CHST8: variants seen among roughly 807,000 people sequenced by gnomAD.
CHST8 encodes carbohydrate sulfotransferase 8, also known as GALNAC-4-ST1.
In CHST8, 10 loss-of-function variants were observed where a neutral mutation model predicts 15.0. That is an observed-to-expected ratio of 0.67 (90% confidence interval 0.41 to 1.13). The LOEUF is 1.13. Among genes scored for constraint, CHST8 ranks in the 50% most tolerant of loss-of-function variants. The probability of loss-of-function intolerance (pLI) is 0.00; values close to 1 mark genes in which losing one functional copy is unlikely to be tolerated. For synonymous variants in CHST8, 259 were observed against 256.6 expected, an observed-to-expected ratio of 1.01 and a Z score of -0.09; for missense variants, 634 against 608.2, an observed-to-expected ratio of 1.04 and a Z score of -0.45.
At chr19:33,762,913 G>A (rs1033152214) in intron 3 of CHST8, among the ~76,000 whole-genome samples, 1 of 150,680 alleles carries the variant, frequency 6.6e-6, no homozygotes, top group African/African-American at 2.4e-5. Flanking sequence ...CCAGGCTGGA[G>A]TGCAGTGGCA....
intron 3 of CHST8, among the ~76,000 whole-genome samples, chr19:33,718,026 C>T (rs997263481): frequency 3.6e-4 from 55 of 152,208 alleles, no homozygotes; most frequent in African/African-American, 1.2e-3. Context: ...GTGTACAGGA[C>T]CGGAAGGCAG....
chr19:33,764,249 G>A (rs1190479282), intron 3 of CHST8, among the ~76,000 whole-genome samples: 1 of 152,092 alleles, frequency 6.6e-6, no homozygotes, highest in African/African-American at 2.4e-5. Flanking sequence ...CAAACACACC[G>A]AGAACCAACA....
At chr19:33,645,209 G>C (rs1038415280) in intron 1 of CHST8, among the ~76,000 whole-genome samples, 3 of 152,186 alleles carry the variant, frequency 2.0e-5, no homozygotes, top group African/African-American at 7.2e-5. Context: ...GGAGTTGGGG[G>C]ACAGGGCCCG....
At chr19:33,641,216 A>T (rs970964505) in intron 1 of CHST8, among the ~76,000 whole-genome samples, 1 of 152,062 alleles carries the variant, frequency 6.6e-6, no homozygotes, top group Non-Finnish European at 1.5e-5. Context: ...CATCCAGGCA[A>T]CTCAGCCCAA....
intron 2 of CHST8, among the ~76,000 whole-genome samples, chr19:33,687,767 C>T (rs1600263852): frequency 6.6e-6 from 1 of 152,202 alleles, no homozygotes; most frequent in Non-Finnish European, 1.5e-5. Context: ...AGGGAGAGTG[C>T]CTCTTCCCAT....
chr19:33,665,630 CA>C (rs1272070441), intron 1 of CHST8, among the ~76,000 whole-genome samples: 1 of 149,022 alleles, frequency 6.7e-6, no homozygotes, highest in African/African-American at 2.5e-5. Context: ...TGAGTATCTT[CA>C]AAACTGAAAA....
At chr19:33,740,407 C>T (rs147226892) in intron 3 of CHST8, among the ~76,000 whole-genome samples, 84 of 152,326 alleles carry the variant, frequency 5.5e-4, no homozygotes, top group Non-Finnish European at 9.8e-4. Flanking sequence ...CTTCAGGTTT[C>T]CCTGTGGCCG....
intron 3 of CHST8, among the ~76,000 whole-genome samples, chr19:33,770,233 G>A (rs935494251): frequency 2.0e-5 from 3 of 152,212 alleles, no homozygotes; most frequent in African/African-American, 4.8e-5. Flanking sequence ...AGACAGCCAG[G>A]AAAGTGGTGG....
In CHST8 at chr19:33,624,323, C is replaced by T. The variant is rs1283116780; in HGVS notation, c.-164+2027C>T. ...GCTCCAGTTGGGAGAGGAGAGCAGG[C>T]TCGTCTGACCTCCTGGGCTTGGTAG... On this transcript the variant is annotated intron_variant, in intron 1 of 4. Coordinates refer to ENST00000650847, the MANE Select transcript of CHST8 (RefSeq NM_001127895.2). Among the ~76,000 whole-genome samples, 12 of 152,302 alleles carry T rather than the reference C, an allele frequency of 7.9e-5. No individual in the cohort carries two copies. The East Asian group carries it at 2.1e-3, about 27-fold the overall frequency.
At position 33,683,630 on chromosome 19, in the gene CHST8, C is replaced by A. The variant is rs78780152; in HGVS notation, c.-86-5546C>A. Among the ~76,000 whole-genome samples the A allele has an allele frequency of 3.1e-3, 472 of 152,314 alleles. 2 individuals carry two copies. Among genetic ancestry groups the A allele is most frequent in the Middle Eastern group, 0.014 (4 of 294 alleles). ...AATTCCAGGTTCATGGAGTGCCTCT[C>A]TCCAGATGGCCCCAAACACTTCCAT... is the stretch of plus-strand genomic sequence containing the variant. On this transcript the variant is annotated intron_variant, in intron 2 of 4. Transcript: ENST00000650847.
intron 1 of CHST8, among the ~76,000 whole-genome samples, chr19:33,624,519 T>G (rs1480600628): frequency 6.6e-6 from 1 of 152,248 alleles, no homozygotes; most frequent in Non-Finnish European, 1.5e-5. Context: ...GGGAATTTCA[T>G]TTTTTAAACA....
At chr19:33,704,837 GA>G (rs1434018637) in intron 3 of CHST8, among the ~76,000 whole-genome samples, 4 of 151,668 alleles carry the variant, frequency 2.6e-5, no homozygotes, top group African/African-American at 7.3e-5. Context: ...TTGAACCCAG[GA>G]GGTGGAAGTT....
intron 3 of CHST8, among the ~76,000 whole-genome samples, chr19:33,726,756 A>G (rs1973910109): frequency 6.6e-6 from 1 of 152,094 alleles, no homozygotes; most frequent in Non-Finnish European, 1.5e-5. Context: ...TGACCGCCAT[A>G]AAGAAGGGGG....
chr19:33,697,631 C>T (rs902698181), intron 3 of CHST8, among the ~76,000 whole-genome samples: 9 of 152,198 alleles, frequency 5.9e-5, no homozygotes, highest in Admixed American at 1.3e-4. Context: ...CCCAAGGCCA[C>T]GCAGCTTCTG....
At position 33,697,037 on chromosome 19, in the gene CHST8, G is replaced by A. The variant is rs147244336; in HGVS notation, c.130+7646G>A. 6.4e-3 allele frequency among the ~76,000 whole-genome samples: 979 copies of A among 151,906 alleles called. 6 individuals carry two copies. The highest frequency in any genetic ancestry group is 9.2e-3 in the Non-Finnish European group (624 of 67,944). On this transcript the variant is annotated intron_variant, in intron 3 of 4. Coordinates refer to ENST00000650847, the MANE Select transcript of CHST8 (RefSeq NM_001127895.2). ...TTTTTGTATTTTTAGTAGAGATGGG[G>A]TTTCATTATTTTGGCCAGGCTGGTC...
intron 2 of CHST8, among the ~76,000 whole-genome samples, chr19:33,688,568 A>G (rs983105843): frequency 2.6e-5 from 4 of 152,154 alleles, no homozygotes; most frequent in East Asian, 1.9e-4. Flanking sequence ...AGGGACTGAC[A>G]TACGCCAACC....
chr19:33,677,339 T>G (rs1480628145), intron 2 of CHST8, among the ~76,000 whole-genome samples: 1 of 152,116 alleles, frequency 6.6e-6, no homozygotes, highest in Non-Finnish European at 1.5e-5. Context: ...CCTGTGTCCT[T>G]GAGGTTGAGC....
chr19:33,739,721 T>C (rs35720673), intron 3 of CHST8, among the ~76,000 whole-genome samples: 34 of 152,172 alleles, frequency 2.2e-4, no homozygotes, highest in Non-Finnish European at 4.7e-4. Flanking sequence ...TCTGTTTTTT[T>C]ACAAAAACAC....
intron 3 of CHST8, among the ~76,000 whole-genome samples, chr19:33,721,750 A>G (rs1019337940): frequency 6.6e-6 from 1 of 151,948 alleles, no homozygotes; most frequent in African/African-American, 2.4e-5. Flanking sequence ...GGACGGATAG[A>G]TGGATGGAAA....
Sources: gnomAD v4.1 joint callset for allele counts (sites outside exome capture counted in the v4.1 genomes callset) on GRCh38, gnomAD v4.1.1 for gene constraint, MANE v1.5 for transcripts, NCBI Gene and HGNC (gene_info 2026-07-23, HGNC 2026-07-21) for gene names.